Variants in ANGPT1 observed in about 807,000 individuals in gnomAD.
The protein encoded by ANGPT1 is angiopoietin-1.
ANGPT1 carries 17 observed loss-of-function variants against 62.2 expected under a neutral mutation model. The ratio of observed to expected loss-of-function variants is 0.27; its 90% confidence interval spans 0.19 to 0.41. The LOEUF (loss-of-function observed/expected upper bound fraction) is 0.41. Among genes scored for constraint, ANGPT1 ranks in the 10% least tolerant of loss-of-function variants. The probability of loss-of-function intolerance (pLI) is 1.00; values close to 1 mark genes in which losing one functional copy is unlikely to be tolerated. For missense variants in ANGPT1, 478 were observed against 594.9 expected (o/e 0.80, Z 2.04); for synonymous variants, 199 against 198.9 (o/e 1.00, Z 0.00).
chr8:107,466,296 C>T (rs1041183350), intron 1 of ANGPT1, among the ~76,000 whole-genome samples: 1 of 151,986 alleles, frequency 6.6e-6, no homozygotes, highest in Middle Eastern at 3.4e-3. Flanking sequence ...TCAAAAATGC[C>T]CATAGTAGGC....
intron 6 of ANGPT1, among the ~76,000 whole-genome samples, chr8:107,292,414 T>C (rs1814300923): frequency 6.6e-6 from 1 of 152,202 alleles, no homozygotes; most frequent in African/African-American, 2.4e-5. Flanking sequence ...ACTGAGTACA[T>C]TAATCTTTGT....
At chr8:107,398,500 A>ATTTTTT (rs10556477) in intron 1 of ANGPT1, among the ~76,000 whole-genome samples, 1 of 132,764 alleles carries the variant, frequency 7.5e-6, no homozygotes. Context: ...TTTCTTTTCT[A>ATTTTTT]TTTTTTTTTT....
At chr8:107,388,404 G>T (rs532248831) in intron 1 of ANGPT1, among the ~76,000 whole-genome samples, 1 of 151,294 alleles carries the variant, frequency 6.6e-6, no homozygotes, top group Non-Finnish European at 1.5e-5. Flanking sequence ...GAGAGAGCAA[G>T]ACCCCATTTC....
At chr8:107,316,311 A>G (rs1451363623) in intron 4 of ANGPT1, among the ~76,000 whole-genome samples, 1 of 152,094 alleles carries the variant, frequency 6.6e-6, no homozygotes, top group Non-Finnish European at 1.5e-5. Flanking sequence ...CGTGTAATGT[A>G]CAGTATTCAG....
intron 1 of ANGPT1, among the ~76,000 whole-genome samples, chr8:107,489,839 G>A (rs1441232220): frequency 4.0e-5 from 6 of 151,704 alleles, no homozygotes; most frequent in South Asian, 2.1e-4. Context: ...CAACTCCACC[G>A]CCAAAGATAA....
At chr8:107,467,776 G>A (rs1160199356) in intron 1 of ANGPT1, among the ~76,000 whole-genome samples, 5 of 152,082 alleles carry the variant, frequency 3.3e-5, no homozygotes, top group African/African-American at 1.2e-4. Context: ...AAATGTTAAG[G>A]AGGTAAAATA....
chr8:107,408,632 G>T (rs184203132), intron 1 of ANGPT1, among the ~76,000 whole-genome samples: 1 of 152,110 alleles, frequency 6.6e-6, no homozygotes, highest in East Asian at 1.9e-4. Context: ...AGTGATAATG[G>T]ATGGCAAATA....
At chr8:107,448,838 A>G (rs561454093) in intron 1 of ANGPT1, among the ~76,000 whole-genome samples, 137 of 152,308 alleles carry the variant, frequency 9.0e-4, no homozygotes, top group African/African-American at 2.4e-3. Context: ...TTAGTAAGTA[A>G]GGAAAGACAT....
chr8:107,393,194 A>G (rs909279276), intron 1 of ANGPT1, among the ~76,000 whole-genome samples: 1 of 152,146 alleles, frequency 6.6e-6, no homozygotes, highest in African/African-American at 2.4e-5. Flanking sequence ...ACTATTTATT[A>G]TAAGCATTAT....
At chr8:107,469,984 T>A (rs989243615) in intron 1 of ANGPT1, among the ~76,000 whole-genome samples, 3 of 152,082 alleles carry the variant, frequency 2.0e-5, no homozygotes, top group Admixed American at 1.3e-4. Context: ...AACCACTCTA[T>A]GTAGGTTTAA....
chr8:107,465,245 A>G (rs2130485200), intron 1 of ANGPT1, among the ~76,000 whole-genome samples: 1 of 152,280 alleles, frequency 6.6e-6, no homozygotes, highest in African/African-American at 2.4e-5. Context: ...TGTTAAGAAA[A>G]TATCCATTAA....
chr8:107,322,142 A>T lies in ANGPT1; in HGVS notation c.576-14T>A. The stretch of plus-strand genomic sequence containing the variant: ...TGTTCTAATAAACTACAAGGAAGTG[A>T]AAATAAAACTTAGATTTGAAAAAAT... On this transcript the variant is annotated splice_polypyrimidine_tract_variant and intron_variant, in intron 3 of 8. Transcript: ENST00000517746. 1 of 1,570,210 alleles carries T rather than the reference A, an allele frequency of 6.4e-7. No homozygotes were observed. The highest frequency in any genetic ancestry group is 8.7e-7 in the Non-Finnish European group (1 of 1,152,764).
chr8:107,351,702 C>T (rs1815936924), intron 1 of ANGPT1, among the ~76,000 whole-genome samples: 1 of 151,920 alleles, frequency 6.6e-6, no homozygotes, highest in African/African-American at 2.4e-5. Context: ...GCCCTAGGGC[C>T]AGGTATGTGG....
At chr8:107,418,887 T>C (rs1810822087) in intron 1 of ANGPT1, among the ~76,000 whole-genome samples, 1 of 152,190 alleles carries the variant, frequency 6.6e-6, no homozygotes, top group Admixed American at 6.6e-5. Flanking sequence ...GGATAAGTAC[T>C]CTCTCAAAAT....
intron 6 of ANGPT1, among the ~76,000 whole-genome samples, chr8:107,290,125 CA>C (rs950599823): frequency 3.3e-5 from 5 of 151,748 alleles, no homozygotes; most frequent in African/African-American, 1.2e-4. Flanking sequence ...GCCGAGAATC[CA>C]AAAAGTGGTA....
At chr8:107,391,701 T>C (rs1259063102) in intron 1 of ANGPT1, among the ~76,000 whole-genome samples, 1 of 151,844 alleles carries the variant, frequency 6.6e-6, no homozygotes, top group Non-Finnish European at 1.5e-5. Context: ...CATCACAGAG[T>C]GTACTTACAG....
chr8:107,447,966 C>T (rs1470665628), intron 1 of ANGPT1, among the ~76,000 whole-genome samples: 1 of 152,170 alleles, frequency 6.6e-6, no homozygotes, highest in African/African-American at 2.4e-5. Context: ...TGGACTTAGG[C>T]AGAAGCTGAA....
At chr8:107,353,981 A>G (rs1004895110) in intron 1 of ANGPT1, among the ~76,000 whole-genome samples, 23 of 152,166 alleles carry the variant, frequency 1.5e-4, no homozygotes, top group Non-Finnish European at 2.9e-4. Context: ...ACTGAGGCAT[A>G]TATAGAAGCT....
intron 4 of ANGPT1, among the ~76,000 whole-genome samples, chr8:107,305,282 G>A (rs745654419): frequency 4.0e-5 from 6 of 151,896 alleles, no homozygotes; most frequent in Non-Finnish European, 8.8e-5. Flanking sequence ...GAACCCAACG[G>A]TAAACCCATT....
Sources: allele counts gnomAD v4.1 joint callset (sites outside exome capture counted in the v4.1 genomes callset), GRCh38; gene constraint gnomAD v4.1.1; transcripts MANE v1.5; gene names NCBI Gene and HGNC (gene_info 2026-07-23, HGNC 2026-07-21).